Variants in ANPEP observed in about 807,000 individuals in gnomAD.
ANPEP encodes alanyl aminopeptidase, membrane.
A neutral mutation model predicts 114.6 loss-of-function variants in ANPEP; 70 were observed. The observed-to-expected ratio is 0.61, with a 90% CI of 0.50 to 0.75. The LOEUF (loss-of-function observed/expected upper bound fraction) is 0.75, where lower values mean the gene tolerates loss of function less well. ANPEP is among the 30% of genes least tolerant of loss of function. ANPEP has a pLI of 0.00. For synonymous variants in ANPEP, 548 were observed against 522.3 expected (o/e 1.05, Z -0.67); for missense variants, 1,184 against 1,259.5 (o/e 0.94, Z 0.91).
rs765687694 is a variant in ANPEP at position 89,785,513 on chromosome 15, A to G, written c.2752-12T>C. On this transcript the variant is annotated splice_polypyrimidine_tract_variant and intron_variant, in intron 20 of 20. Coordinates refer to ENST00000300060, the MANE Select transcript of ANPEP (RefSeq NM_001150.3). The stretch of plus-strand genomic sequence containing the variant: ...TTGAACTGCTCCAGCTGCCAGAAAA[A>G]CAAAAGATTCTCAGTCCGGCTGGGT... 2 of 1,610,226 alleles carry G rather than the reference A, an allele frequency of 1.2e-6. No individual in the cohort carries two copies. Among genetic ancestry groups the G allele is most frequent in the South Asian group, 2.2e-5 (2 of 90,878 alleles).
intron 19 of ANPEP, 79 bp downstream of exon 19, chr15:89,790,874 G>T: frequency 1.3e-6 from 2 of 1,540,710 alleles, no homozygotes; most frequent in South Asian, 1.2e-5. Context: ...TGCCCCCGGC[G>T]TGTCTTACCC....
rs146339673 is a variant in ANPEP, at chr15:89,806,536, G to T, written c.48C>A (p.Ile16=). The T allele has an allele frequency of 1.1e-5, 18 of 1,612,174 alleles. No individual in the cohort carries two copies. Among genetic ancestry groups the T allele is most frequent in the Non-Finnish European group, 1.4e-5 (17 of 1,178,616 alleles). The change falls in exon 2 of 21, where the codon ATC becomes ATA. Residue 16 remains isoleucine (I), a synonymous_variant. Coordinates refer to ENST00000300060, the MANE Select transcript of ANPEP (RefSeq NM_001150.3). This position sits in a 1 kb window ranked among gnomAD's most constrained non-coding sequence, Gnocchi z 5.7. The stretch of plus-strand genomic sequence containing the variant: ...TGCACACGGCTGCCACGCCCAGGAG[G>T]ATCCCCAGGATGCCCAGGGACTTGG... ...YISKSLGILG[I]LLGVAAVCTI...
intron 10 of ANPEP, among the ~76,000 whole-genome samples, chr15:89,802,996 A>G (rs7168849): frequency 0.21 from 32,094 of 152,038 alleles, 5,142 homozygotes; most frequent in African/African-American, 0.42. Flanking sequence ...TCCCATCAAG[A>G]AGCCCGCTGT....
intron 16 of ANPEP, 119 bp downstream of exon 16, chr15:89,792,916 G>A: frequency 1.1e-6 from 1 of 889,338 alleles, no homozygotes; most frequent in South Asian, 1.6e-5. Flanking sequence ...TCCTGGGTGG[G>A]GGTCTCTCCC....
chr15:89,806,246 C>T lies in ANPEP; in HGVS notation c.338G>A (p.Cys113Tyr). 1.2e-6 allele frequency: 2 copies of T among 1,614,134 alleles called. No homozygotes were observed. The highest frequency in any genetic ancestry group is 1.7e-6 in the Non-Finnish European group (2 of 1,180,004). The change falls in exon 2 of 21, where the codon TGC becomes TAC. Residue 113 changes from cysteine to tyrosine, a missense_variant. Coordinates refer to ENST00000300060, the MANE Select transcript of ANPEP (RefSeq NM_001150.3). The surrounding 1 kb of genome is among the most constrained non-coding windows in gnomAD (Gnocchi z 5.7). Reference sequence around the variant, plus strand: ...GATGATGACGTCAGTGGCCTCCTTGCAGGTGAAACGGACGGTGCTGGAGCC... The same window carrying T: ...GATGATGACGTCAGTGGCCTCCTTGTAGGTGAAACGGACGGTGCTGGAGCC... ...FKGSSTVRFT[C>Y]KEATDVIIIH...
rs74766672 is a variant in ANPEP, at chr15:89,791,078, G to T, written c.2544C>A (p.Thr848=). 7.3e-3 allele frequency: 11,775 copies of T among 1,614,090 alleles called. 796 individuals carry two copies. In the African/African-American group the frequency reaches 0.14, roughly 19 times the overall value. Residue 848 remains threonine (T), a synonymous_variant, in exon 19 of 21, where the codon ACC becomes ACA. Coordinates refer to ENST00000300060, the MANE Select transcript of ANPEP (RefSeq NM_001150.3). ...GCTTCCGGATTAAGTCCGGGTTCAG[G>T]GTGTAGCTCAGGTACCTAAGAGGGC... is the stretch of plus-strand genomic sequence containing the variant. The part of the protein sequence containing the change: ...LWILNRYLSY[T]LNPDLIRKQD...
rs1165154484 is a variant in ANPEP, at chr15:89,804,352, C to T, written c.1080G>A (p.Val360=). The T allele has an allele frequency of 1.2e-6, 2 of 1,614,222 alleles. No individual in the cohort carries two copies. Among genetic ancestry groups the T allele is most frequent in the East Asian group, 4.5e-5 (2 of 44,880 alleles). ...NAGAMENWGL[V]TYRENSLLFD... is the part of the protein sequence containing the mutation. The stretch of plus-strand genomic sequence containing the variant: ...ACAGCAGGGAGTTCTCCCGGTAGGT[C>T]ACCAGTCCCCAGTTCTCCATGGCGC... The change falls in exon 6 of 21, where the codon GTG becomes GTA. Residue 360 remains valine (V), a synonymous_variant. Coordinates refer to ENST00000300060, the MANE Select transcript of ANPEP (RefSeq NM_001150.3).
chr15:89,812,831 A>C (rs955950653), intron 1 of ANPEP, among the ~76,000 whole-genome samples: 4 of 152,128 alleles, frequency 2.6e-5, no homozygotes, highest in Non-Finnish European at 5.9e-5. Context: ...GCCTCCTAAA[A>C]ATGTCCTCCC....
chr15:89,786,225 A>G lies in ANPEP; in HGVS notation c.2752-724T>C, dbSNP rs559879461. ...AAAATAAGTGCAAGACTGGAATGCC[A>G]AAAACTACAAAACATTTTTGAAAGA... On this transcript the variant is annotated intron_variant, in intron 20 of 20. Coordinates refer to ENST00000300060, the MANE Select transcript of ANPEP (RefSeq NM_001150.3). Among the ~76,000 whole-genome samples the G allele has an allele frequency of 1.7e-4, 26 of 152,326 alleles. No homozygotes were observed. The South Asian group carries it at 5.2e-3, about 30-fold the overall frequency.
Position 89,806,742 on chromosome 15 carries a change from G to A in ANPEP, c.-159C>T. ...CAGGCGAAGGTCACTGGACTGGGCA[G>A]GGGCACGCTCCGCCTGGGGAGAGGA... On this transcript the variant is annotated 5_prime_UTR_variant, in exon 2 of 21. Coordinates refer to ENST00000300060, the MANE Select transcript of ANPEP (RefSeq NM_001150.3). This position sits in a 1 kb window ranked among gnomAD's most constrained non-coding sequence, Gnocchi z 5.7. 8.4e-7 allele frequency: 1 copy of A among 1,197,264 alleles called. No individual in the cohort carries two copies. Among genetic ancestry groups the A allele is most frequent in the Non-Finnish European group, 1.1e-6 (1 of 884,522 alleles). 74.2% of individuals were successfully genotyped at this position (1,197,264 alleles called of 1,614,324 possible). A position where few individuals can be genotyped will look rare whatever the true frequency, so the allele number is the denominator to read the frequency against.
At chr15:89,802,114 T>C (rs1894606358) in intron 10 of ANPEP, among the ~76,000 whole-genome samples, 1 of 152,060 alleles carries the variant, frequency 6.6e-6, no homozygotes, top group Non-Finnish European at 1.5e-5. Flanking sequence ...GCCTTTGTCA[T>C]CACAACAGAA....
At chr15:89,798,545 G>A (rs1336363954) in intron 14 of ANPEP, among the ~76,000 whole-genome samples, 2 of 151,036 alleles carry the variant, frequency 1.3e-5, no homozygotes, top group African/African-American at 4.9e-5. Flanking sequence ...GCCGAGAAGG[G>A]AGAATCGCTT....
At position 89,785,463 on chromosome 15, in the gene ANPEP, G is replaced by A. The variant is rs145116014; in HGVS notation, c.2790C>T (p.Phe930=). The change falls in exon 21 of 21, where the codon TTC becomes TTT. Residue 930 remains phenylalanine, a synonymous_variant. Coordinates refer to ENST00000300060, the MANE Select transcript of ANPEP (RefSeq NM_001150.3). The part of the protein sequence containing the change: ...QFKKDNEETG[F]GSGTRALEQA... Reference sequence around the variant, plus strand: ...GCTCCAGGGCCCGGGTGCCTGAGCCGAAGCCTGTTTCCTCGTTGTCCTTCT... The same window carrying A: ...GCTCCAGGGCCCGGGTGCCTGAGCCAAAGCCTGTTTCCTCGTTGTCCTTCT... 3.1e-5 allele frequency: 50 copies of A among 1,613,958 alleles called. No homozygotes were observed. Among genetic ancestry groups the A allele is most frequent in the South Asian group, 7.7e-5 (7 of 91,080 alleles).
At chr15:89,812,303 C>T (rs1245381107) in intron 1 of ANPEP, among the ~76,000 whole-genome samples, 1 of 152,246 alleles carries the variant, frequency 6.6e-6, no homozygotes, top group Non-Finnish European at 1.5e-5. Flanking sequence ...CAACCTGGGG[C>T]TCATTGTCTG....
Position 89,806,161 on chromosome 15 carries a change from A to G in ANPEP, c.423T>C (p.Gly141=). 6.2e-7 allele frequency: 1 copy of G among 1,613,948 alleles called. No homozygotes were observed. The highest frequency in any genetic ancestry group is 8.5e-7 in the Non-Finnish European group (1 of 1,179,968). The change falls in exon 2 of 21, where the codon GGT becomes GGC. Residue 141 remains glycine (G), a synonymous_variant. Coordinates refer to ENST00000300060, the MANE Select transcript of ANPEP (RefSeq NM_001150.3). The surrounding 1 kb of genome is among the most constrained non-coding windows in gnomAD (Gnocchi z 5.7). ...TGTCGGGGGGCTGGGAGCCTCCCAC[A>G]CCACGCAGGACCACCCTGTGCCCCT... is the stretch of plus-strand genomic sequence containing the variant. ...LSQGHRVVLR[G]VGGSQPPDID... is the part of the protein sequence containing the mutation.
intron 15 of ANPEP, 99 bp from the exon 16 acceptor site, chr15:89,793,225 C>A: frequency 9.5e-7 from 1 of 1,055,832 alleles, no homozygotes; most frequent in East Asian, 2.4e-5. Context: ...CTGGCAGAGA[C>A]GTCAGAGGTC....
At chr15:89,792,687 CG>C (rs1205892792) in intron 16 of ANPEP, 125 bp from the exon 17 acceptor site, 30 of 805,288 alleles carry the variant, frequency 3.7e-5, no homozygotes, top group African/African-American at 1.5e-4. Context: ...CTCTGACCCC[CG>C]CTGTATGTGC....
chr15:89,785,613 A>AC, intron 20 of ANPEP, 112 bp from the exon 21 acceptor site: 2 of 1,443,924 alleles, frequency 1.4e-6, no homozygotes, highest in South Asian at 2.6e-5. Flanking sequence ...CATGGATGGG[A>AC]CCACACCCTG....
intron 20 of ANPEP, 44 bp from the exon 21 acceptor site, chr15:89,785,545 C>T (rs745966758): frequency 1.2e-6 from 2 of 1,611,774 alleles, no homozygotes. Context: ...GGGTCCCTAA[C>T]AGCCTTGAGG....
Sources: gnomAD v4.1 joint callset for allele counts (sites outside exome capture counted in the v4.1 genomes callset) on GRCh38, gnomAD v4.1.1 for gene constraint, Gnocchi (gnomAD v3.1) non-coding constraint, MANE v1.5 for transcripts, NCBI Gene and HGNC (gene_info 2026-07-23, HGNC 2026-07-21) for gene names.